SVIL: variants seen among roughly 807,000 people sequenced by gnomAD.
SVIL encodes archvillin.
A neutral mutation model predicts 240.4 loss-of-function variants in SVIL; 101 were observed. That is an observed-to-expected ratio of 0.42 (90% CI 0.36 to 0.50). The LOEUF (loss-of-function observed/expected upper bound fraction) is 0.50. Ranked by LOEUF, SVIL falls within the 20% of genes least tolerant of loss-of-function variation. The pLI, the probability that SVIL is intolerant of heterozygous loss-of-function variation, is 0.01. For missense variants in SVIL, 2,512 were observed against 2,818.7 expected, an observed-to-expected ratio of 0.89 and a Z score of 2.46; for synonymous variants, 999 against 1,100.0, an observed-to-expected ratio of 0.91 and a Z score of 1.82.
intron 1 of SVIL, among the ~76,000 whole-genome samples, chr10:29,698,731 A>G (rs1019720617): frequency 1.3e-5 from 2 of 151,492 alleles, no homozygotes; most frequent in African/African-American, 4.9e-5. Flanking sequence ...AAAGAAGCAA[A>G]TTTTGAAGGA....
At chr10:29,566,886 T>C (rs140069430) in intron 2 of SVIL, among the ~76,000 whole-genome samples, 1 of 152,326 alleles carries the variant, frequency 6.6e-6, no homozygotes, top group East Asian at 1.9e-4. Flanking sequence ...AAGGGGTGTC[T>C]GCAGGGTCAA....
chr10:29,555,325 C>G (rs1953810903), intron 3 of SVIL, among the ~76,000 whole-genome samples: 1 of 136,456 alleles, frequency 7.3e-6, no homozygotes. Context: ...CACACACACA[C>G]ACACACACAC....
intron 30 of SVIL, chr10:29,473,444 C>T (rs554062371): frequency 4.8e-5 from 11 of 229,522 alleles, no homozygotes; most frequent in Non-Finnish European, 7.6e-5. Flanking sequence ...CTCATCCTAC[C>T]GAGGCCTTGC....
chr10:29,730,316 T>C (rs1344334759), intron 1 of SVIL, among the ~76,000 whole-genome samples: 2 of 152,232 alleles, frequency 1.3e-5, no homozygotes, highest in South Asian at 2.1e-4. Context: ...TCAGGGCATG[T>C]ACAATGAAGC....
intron 12 of SVIL, 137 bp from the exon 13 acceptor site, chr10:29,527,193 G>GA (rs1362063310): frequency 5.1e-5 from 43 of 837,888 alleles, no homozygotes; most frequent in Non-Finnish European, 6.6e-5. Context: ...TTTTTGGGGA[G>GA]AAAAAATCAC....
intron 23 of SVIL, chr10:29,487,603 C>T (rs1947531839): frequency 3.8e-6 from 1 of 260,702 alleles, no homozygotes; most frequent in Non-Finnish European, 7.3e-6. Context: ...GGCTCCTTTT[C>T]CCTCCTTCAC....
Position 29,463,648 on chromosome 10 carries a change from G to A in SVIL, c.6134-13C>T. 6.2e-7 allele frequency: 1 copy of A among 1,612,990 alleles called. No homozygotes were observed. Among genetic ancestry groups the A allele is most frequent in the Non-Finnish European group, 8.5e-7 (1 of 1,179,468 alleles). ...ACAAGGAAAAGTGCTGTGAGGGCAG[G>A]GACAGGGCCAGACCATCAGGAGCTC... is the stretch of plus-strand genomic sequence containing the variant. On this transcript the variant is annotated splice_polypyrimidine_tract_variant and intron_variant, in intron 34 of 37. Coordinates refer to ENST00000355867, the MANE Select transcript of SVIL (RefSeq NM_021738.3).
intron 18 of SVIL, 143 bp downstream of exon 18, chr10:29,498,973 C>A (rs756064340): frequency 1.9e-5 from 24 of 1,232,832 alleles, no homozygotes; most frequent in Admixed American, 2.8e-5. Flanking sequence ...AGAGCAAGAC[C>A]CTGTCTCTTA....
intron 2 of SVIL, among the ~76,000 whole-genome samples, chr10:29,681,771 T>A (rs983418425): frequency 1.3e-5 from 2 of 152,184 alleles, no homozygotes; most frequent in South Asian, 4.1e-4. Context: ...ACTTCCTCCT[T>A]GCTACAAACC....
chr10:29,620,650 G>A (rs1171119092), intron 1 of SVIL, among the ~76,000 whole-genome samples: 2 of 152,022 alleles, frequency 1.3e-5, no homozygotes, highest in African/African-American at 2.4e-5. Context: ...TTTTTGAGAC[G>A]GAGTCTCACC....
intron 3 of SVIL, among the ~76,000 whole-genome samples, chr10:29,642,431 G>A (rs1958516231): frequency 8.2e-6 from 1 of 122,228 alleles, no homozygotes; most frequent in Non-Finnish European, 1.6e-5. Flanking sequence ...AAGAAAGAAA[G>A]AAAGAAAGAA....
rs1430649032 is a variant in SVIL, at chr10:29,465,633, G to A, written c.6095C>T (p.Pro2032Leu). The change falls in exon 34 of 38, where the codon CCC (proline) becomes CTC (leucine). Residue 2032 changes from proline (P) to leucine (L), a missense_variant. Coordinates refer to ENST00000355867, the MANE Select transcript of SVIL (RefSeq NM_021738.3). Reference protein sequence around the residue: ...ARAPSVVSSMPFLQEDLYSAP... With the variant: ...ARAPSVVSSMLFLQEDLYSAP... ...GCTGTACAGATCTTCCTGCAGGAAG[G>A]GCATGGAACTGACCACAGAGGGGGC... The A allele has an allele frequency of 1.9e-6, 3 of 1,613,844 alleles. No individual in the cohort carries two copies. Among genetic ancestry groups the A allele is most frequent in the Non-Finnish European group, 2.5e-6 (3 of 1,180,038 alleles).
chr10:29,531,221 TAAA>T, intron 10 of SVIL, 30 bp downstream of exon 10: 1 of 1,610,074 alleles, frequency 6.2e-7, no homozygotes. Flanking sequence ...GATGAGATAA[TAAA>T]GAAGAAAAAA....
chr10:29,628,574 A>G (rs1777331), intron 1 of SVIL, among the ~76,000 whole-genome samples: 14,701 of 152,270 alleles, frequency 0.097, 851 homozygotes, highest in Admixed American at 0.14. Context: ...CACAGTTCAC[A>G]AATCGTAGGT....
At chr10:29,476,475 T>A (rs1946205443) in intron 29 of SVIL, among the ~76,000 whole-genome samples, 1 of 152,192 alleles carries the variant, frequency 6.6e-6, no homozygotes, top group African/African-American at 2.4e-5. Flanking sequence ...TGCAGTGGTA[T>A]GACCATAGCT....
At chr10:29,624,184 C>G (rs1180945069) in intron 1 of SVIL, among the ~76,000 whole-genome samples, 1 of 142,076 alleles carries the variant, frequency 7.0e-6, no homozygotes, top group Non-Finnish European at 1.6e-5. Context: ...AAAAAAAAAC[C>G]CCTAGCATTT....
chr10:29,605,069 A>G (rs1956969773), intron 1 of SVIL, among the ~76,000 whole-genome samples: 1 of 152,230 alleles, frequency 6.6e-6, no homozygotes, highest in South Asian at 2.1e-4. Flanking sequence ...AAATACAAAT[A>G]GACACTTAGT....
chr10:29,545,583 G>A (rs193089628), intron 6 of SVIL, among the ~76,000 whole-genome samples: 38 of 152,218 alleles, frequency 2.5e-4, no homozygotes, highest in African/African-American at 8.7e-4. Context: ...CCAGCCGGGC[G>A]TGGTGGCTCA....
chr10:29,636,102 GTT>G (rs561377211), upstream of SVIL, among the ~76,000 whole-genome samples: 11 of 137,666 alleles, frequency 8.0e-5, no homozygotes, highest in Middle Eastern at 3.4e-3. Context: ...CCAGTCAACT[GTT>G]TTTTTTTTTT....
Sources: gnomAD v4.1 joint callset for allele counts (sites outside exome capture counted in the v4.1 genomes callset) on GRCh38, gnomAD v4.1.1 for gene constraint, MANE v1.5 for transcripts, NCBI Gene and HGNC (gene_info 2026-07-23, HGNC 2026-07-21) for gene names.